RSRC1: variants seen among roughly 807,000 people sequenced by gnomAD.
RSRC1 encodes the protein serine/Arginine-related protein 53.
A neutral mutation model predicts 49.1 loss-of-function variants in RSRC1; 39 were observed. That is an observed-to-expected ratio of 0.79 (90% confidence interval 0.61 to 1.04). The LOEUF (loss-of-function observed/expected upper bound fraction) is 1.04, where lower values mean the gene tolerates loss of function less well. Among genes scored for constraint, RSRC1 ranks in the 50% least tolerant of loss-of-function variants. The pLI is 0.00. For synonymous variants in RSRC1, 143 were observed against 130.8 expected (o/e 1.09, Z -0.63); for missense variants, 388 against 402.4 (o/e 0.96, Z 0.31).
chr3:158,396,548 A>G (rs1354663141), intron 6 of RSRC1, among the ~76,000 whole-genome samples: 9 of 152,112 alleles, frequency 5.9e-5, no homozygotes, highest in Non-Finnish European at 1.3e-4. Flanking sequence ...GAGCCACTGT[A>G]ATTTGCTAGT....
intron 5 of RSRC1, among the ~76,000 whole-genome samples, chr3:158,347,868 C>G (rs577297602): frequency 1.4e-4 from 22 of 152,034 alleles, no homozygotes; most frequent in African/African-American, 5.1e-4. Flanking sequence ...TGTTGTTTCT[C>G]TTTTTATTTT....
chr3:158,197,707 G>A (rs780416143), intron 3 of RSRC1, among the ~76,000 whole-genome samples: 2 of 152,000 alleles, frequency 1.3e-5, no homozygotes, highest in Non-Finnish European at 2.9e-5. Flanking sequence ...GTTCTCGTTG[G>A]TTTCAAAGAA....
At chr3:158,255,030 C>G (rs1396007128) in intron 4 of RSRC1, among the ~76,000 whole-genome samples, 4 of 152,136 alleles carry the variant, frequency 2.6e-5, no homozygotes, top group African/African-American at 4.8e-5. Context: ...CCTGTTCACT[C>G]TGATGGTAGT....
At chr3:158,159,719 A>C (rs1311690967) in intron 3 of RSRC1, among the ~76,000 whole-genome samples, 1 of 152,186 alleles carries the variant, frequency 6.6e-6, no homozygotes, top group African/African-American at 2.4e-5. Context: ...TGATTATTTC[A>C]TCACTCCATA....
chr3:158,371,074 GTA>G (rs1177151162), intron 6 of RSRC1, among the ~76,000 whole-genome samples: 1 of 151,670 alleles, frequency 6.6e-6, no homozygotes, highest in East Asian at 1.9e-4. Context: ...TTTACCATCT[GTA>G]TACTTTCTGA....
chr3:158,536,364 T>C lies in RSRC1; in HGVS notation c.653-728T>C, dbSNP rs145369130. 4.6e-5 allele frequency among the ~76,000 whole-genome samples: 7 copies of C among 151,484 alleles called. No homozygotes were observed. The East Asian group carries it at 1.4e-3, about 29-fold the overall frequency. ...AGATTCTTCAGTAAATAAATGGCAA[T>C]GAAAGGGAAAGGCAGTGGACTGTAA... On this transcript the variant is annotated intron_variant, in intron 7 of 9. Transcript: ENST00000611884.
At chr3:158,473,114 C>T (rs1001853456) in intron 7 of RSRC1, among the ~76,000 whole-genome samples, 18 of 152,072 alleles carry the variant, frequency 1.2e-4, no homozygotes, top group African/African-American at 2.4e-4. Flanking sequence ...GGCGATTCCT[C>T]GTGGATCTAG....
intron 3 of RSRC1, among the ~76,000 whole-genome samples, chr3:158,144,725 G>A (rs1716969609): frequency 6.6e-6 from 1 of 152,112 alleles, no homozygotes; most frequent in African/African-American, 2.4e-5. Flanking sequence ...CTTCCACAAT[G>A]GTTGAACTAG....
intron 6 of RSRC1, among the ~76,000 whole-genome samples, chr3:158,460,072 G>A (rs1400838528): frequency 6.6e-6 from 1 of 151,746 alleles, no homozygotes; most frequent in Non-Finnish European, 1.5e-5. Context: ...TATAATAAAG[G>A]CTCATCCAAA....
chr3:158,148,941 G>A (rs954852202), intron 3 of RSRC1, among the ~76,000 whole-genome samples: 19 of 152,008 alleles, frequency 1.2e-4, no homozygotes, highest in East Asian at 3.9e-4. Flanking sequence ...ATGCCGCCAC[G>A]CCTGGCTAAT....
intron 1 of RSRC1, among the ~76,000 whole-genome samples, chr3:158,117,580 C>G (rs1714922401): frequency 6.6e-6 from 1 of 152,184 alleles, no homozygotes; most frequent in Non-Finnish European, 1.5e-5. Context: ...ATGTGAGCCA[C>G]CATGCCTGGC....
At chr3:158,500,003 G>C (rs1739519997) in intron 7 of RSRC1, among the ~76,000 whole-genome samples, 1 of 152,172 alleles carries the variant, frequency 6.6e-6, no homozygotes, top group Admixed American at 6.5e-5. Flanking sequence ...CTGTGAGTTT[G>C]TCATAAATGG....
intron 3 of RSRC1, among the ~76,000 whole-genome samples, chr3:158,152,670 C>G (rs913315331): frequency 6.6e-6 from 1 of 152,058 alleles, no homozygotes; most frequent in African/African-American, 2.4e-5. Context: ...GTGTCTGTTG[C>G]CTAAAGTGAG....
At chr3:158,523,329 ATAATTAAAGCAATTTT>A (rs1024059344) in intron 7 of RSRC1, among the ~76,000 whole-genome samples, 1 of 152,108 alleles carries the variant, frequency 6.6e-6, no homozygotes, top group Non-Finnish European at 1.5e-5. Flanking sequence ...ACAACCTTGA[ATAATTAAAGCAATTTT>A]TAAAAAGAAA....
At chr3:158,198,075 A>G (rs910329891) in intron 3 of RSRC1, among the ~76,000 whole-genome samples, 3 of 152,082 alleles carry the variant, frequency 2.0e-5, no homozygotes, top group African/African-American at 7.2e-5. Context: ...TGATCTATCT[A>G]ATGTTGACAG....
chr3:158,145,235 G>A (rs970371909), intron 3 of RSRC1, among the ~76,000 whole-genome samples: 6 of 152,122 alleles, frequency 3.9e-5, no homozygotes, highest in Non-Finnish European at 8.8e-5. Flanking sequence ...GTATTGCCTA[G>A]GTTTTCTTCT....
chr3:158,319,634 G>A (rs1728649617), intron 5 of RSRC1, among the ~76,000 whole-genome samples: 1 of 152,092 alleles, frequency 6.6e-6, no homozygotes, highest in South Asian at 2.1e-4. Flanking sequence ...CGCATTTCAT[G>A]TTATTCTGTC....
chr3:158,316,451 T>TTC, intron 5 of RSRC1, among the ~76,000 whole-genome samples: 1 of 139,216 alleles, frequency 7.2e-6, no homozygotes, highest in South Asian at 2.5e-4. Flanking sequence ...TTTTTTTTTT[T>TTC]TTTTTTTTTT....
intron 4 of RSRC1, chr3:158,276,454 A>G: frequency 1.0e-5 from 7 of 680,270 alleles, no homozygotes; most frequent in Non-Finnish European, 1.1e-5. Context: ...GCCAGACAGA[A>G]AGGCGCCAAG....
Sources: gnomAD v4.1 joint callset for allele counts (sites outside exome capture counted in the v4.1 genomes callset) on GRCh38, gnomAD v4.1.1 for gene constraint, MANE v1.5 for transcripts, NCBI Gene and HGNC (gene_info 2026-07-23, HGNC 2026-07-21) for gene names.